ZNF99: variants seen among roughly 807,000 people sequenced by gnomAD.
The protein encoded by ZNF99 is zinc finger protein ENSP00000375192.
Under a neutral mutation model 12.8 loss-of-function variants are expected in ZNF99, and 8 were observed. The ratio of observed to expected loss-of-function variants is 0.62; its 90% CI spans 0.37 to 1.13. The LOEUF (loss-of-function observed/expected upper bound fraction) is 1.13, where lower values mean the gene tolerates loss of function less well. Among genes scored for constraint, ZNF99 ranks in the 50% most tolerant of loss-of-function variants. The pLI is 0.02. For synonymous variants in ZNF99, 318 were observed against 319.0 expected (o/e 1.00, Z 0.03); for missense variants, 1,007 against 1,006.2 (o/e 1.00, Z -0.01).
At position 22,769,230 on chromosome 19, in the gene ZNF99, A is replaced by G; in HGVS notation, c.98T>C (p.Met33Thr). Residue 33 changes from methionine (M) to threonine (T), a missense_variant, in exon 2 of 4, where the codon ATG (methionine) becomes ACG (threonine). By Grantham distance (81) the Met-to-Thr change is moderately conservative. Coordinates refer to ENST00000596209, the MANE Select transcript of ZNF99 (RefSeq NM_001080409.3). ...GACCAGGTTTCTGTAGTTCTCTAACATAACATTCCTATATAAATTCTGCTG... is the reference window on the plus strand; with the variant it reads ...GACCAGGTTTCTGTAGTTCTCTAACGTAACATTCCTATATAAATTCTGCTG... ...MAQQNLYRNV[M>T]LENYRNLVFL... 1 of 1,609,214 alleles carries G rather than the reference A, an allele frequency of 6.2e-7. No homozygotes were observed. The highest frequency in any genetic ancestry group is 8.5e-7 in the Non-Finnish European group (1 of 1,177,284).
intron 3 of ZNF99, among the ~76,000 whole-genome samples, chr19:22,764,930 A>C: frequency 6.6e-6 from 1 of 152,200 alleles, no homozygotes. Context: ...CAGTGTGGAG[A>C]TTCCTAAAGA....
At chr19:22,776,408 G>GAT (rs55638958) in intron 1 of ZNF99, among the ~76,000 whole-genome samples, 7 of 69,624 alleles carry the variant, frequency 1.0e-4, no homozygotes, top group East Asian at 5.0e-4. Context: ...TCCAAAATAA[G>GAT]ATATATATAT....
chr19:22,776,606 G>A (rs1317855462), intron 1 of ZNF99, among the ~76,000 whole-genome samples: 1 of 151,648 alleles, frequency 6.6e-6, no homozygotes, highest in Non-Finnish European at 1.5e-5. Context: ...AGAGAAAAGC[G>A]TATGCGCTGC....
In ZNF99 at chr19:22,759,620, C is replaced by G; in HGVS notation, c.289G>C (p.Glu97Gln). Residue 97 changes from glutamate to glutamine, a missense_variant, in exon 4 of 4, where the codon GAA becomes CAA. By Grantham distance (29) the Glu-to-Gln change is conservative (BLOSUM62 2). Transcript: ENST00000596209. Reference protein sequence around the residue: ...PDQSIKDSFQEIILRTYARCG... With the variant: ...PDQSIKDSFQQIILRTYARCG... ...CTTGCATATGTTCTCAATATTATTT[C>G]TTGGAAAGAATCTTTTATGCTCTGA... 3 of 1,596,306 alleles carry G rather than the reference C, an allele frequency of 1.9e-6. No homozygotes were observed. Among genetic ancestry groups the G allele is most frequent in the Non-Finnish European group, 2.6e-6 (3 of 1,175,150 alleles).
At position 22,757,033 on chromosome 19, in the gene ZNF99, A is replaced by T; in HGVS notation, c.*281T>A. 2 of 1,613,066 alleles carry T rather than the reference A, an allele frequency of 1.2e-6. No individual in the cohort carries two copies. Among genetic ancestry groups the T allele is most frequent in the Non-Finnish European group, 1.7e-6 (2 of 1,179,320 alleles). On this transcript the variant is annotated 3_prime_UTR_variant, in exon 4 of 4. Coordinates refer to ENST00000596209, the MANE Select transcript of ZNF99 (RefSeq NM_001080409.3). ...TGCTAAAAGCTTTGCCACATTCTTCACATTTGTACGATTTCTCCCTAGTAT... is the reference window on the plus strand; with the variant it reads ...TGCTAAAAGCTTTGCCACATTCTTCTCATTTGTACGATTTCTCCCTAGTAT...
intron 3 of ZNF99, among the ~76,000 whole-genome samples, chr19:22,766,203 CAAAAT>C (rs905191323): frequency 8.4e-6 from 1 of 119,598 alleles, no homozygotes; most frequent in Non-Finnish European, 1.8e-5. Flanking sequence ...CTACGCAAAA[CAAAAT>C]AAAAAAAATA....
chr19:22,775,703 T>C (rs1448826049), intron 1 of ZNF99, among the ~76,000 whole-genome samples: 1 of 152,182 alleles, frequency 6.6e-6, no homozygotes, highest in Non-Finnish European at 1.5e-5. Context: ...AACTGAAGTT[T>C]ACAAGAAACA....
rs1324932540 is a variant in ZNF99 at position 22,769,421 on chromosome 19, G to A, written c.4-97C>T. 4.4e-5 allele frequency: 59 copies of A among 1,343,496 alleles called. 1 individual carries two copies. The highest frequency in any genetic ancestry group is 6.0e-5 in the Non-Finnish European group (59 of 984,608). The allele number at this position is 1,343,496 out of a possible 1,614,324, so 83.2% of individuals were successfully genotyped here. A position where few individuals can be genotyped will look rare whatever the true frequency, so the allele number is the denominator to read the frequency against. On this transcript the variant is annotated intron_variant, in intron 1 of 3. Transcript: ENST00000596209. ...GTGAAATGAGAGAGTAAAGAGAACA[G>A]GTTCTAACTTACAGGGATGACTGAA... is the stretch of plus-strand genomic sequence containing the variant.
At position 22,769,774 on chromosome 19, in the gene ZNF99, T is replaced by G. The variant is rs570331064; in HGVS notation, c.4-450A>C. ...AGACTCTGTCTCAAAAAAAAAAAAA[T>G]AAAGAAAAGAAAAAAAGAAATATTC... On this transcript the variant is annotated intron_variant, in intron 1 of 3. Transcript: ENST00000596209. 751 of 967,772 alleles carry G rather than the reference T, an allele frequency of 7.8e-4. 2 individuals are homozygous for G. The highest frequency in any genetic ancestry group is 5.6e-3 in the African/African-American group (303 of 53,966). 59.9% of individuals were successfully genotyped at this position (967,772 alleles called of 1,614,324 possible).
chr19:22,777,163 G>C (rs1196553951), intron 1 of ZNF99, among the ~76,000 whole-genome samples: 1 of 151,576 alleles, frequency 6.6e-6, no homozygotes, highest in East Asian at 1.9e-4. Context: ...ATAAAATAAA[G>C]TATTTAGCAA....
chr19:22,760,468 G>A (rs1356505682), intron 3 of ZNF99, among the ~76,000 whole-genome samples: 1 of 152,134 alleles, frequency 6.6e-6, no homozygotes. Flanking sequence ...CTTGAGGCCG[G>A]GCACGGTGGC....
chr19:22,756,456 G>C lies in ZNF99; in HGVS notation c.*858C>G, dbSNP rs1405907165. 1.3e-6 allele frequency: 2 copies of C among 1,587,826 alleles called. No homozygotes were observed. Among genetic ancestry groups the C allele is most frequent in the African/African-American group, 1.5e-5 (1 of 65,824 alleles). ...CTTTACCACACTCTTCACATTTGTA[G>C]GGTTTCTTTCCAGTATGAATTATCC... On this transcript the variant is annotated 3_prime_UTR_variant, in exon 4 of 4. Coordinates refer to ENST00000596209, the MANE Select transcript of ZNF99 (RefSeq NM_001080409.3).
At position 22,759,467 on chromosome 19, in the gene ZNF99, T is replaced by C. The variant is rs939492125; in HGVS notation, c.442A>G (p.Asn148Asp). 2 of 1,604,478 alleles carry C rather than the reference T, an allele frequency of 1.2e-6. No homozygotes were observed. The highest frequency in any genetic ancestry group is 2.7e-5 in the African/African-American group (2 of 74,454). ...TTTQGKIFQC[N>D]KYVKVFHKYS... Reference sequence around the variant, plus strand: ...TTATGAAAGACTTTCACATATTTGTTACACTGAAATATTTTTCCCTGGGTA... The same window carrying C: ...TTATGAAAGACTTTCACATATTTGTCACACTGAAATATTTTTCCCTGGGTA... The change falls in exon 4 of 4, where the codon AAC (asparagine) becomes GAC (aspartate). Residue 148 changes from asparagine to aspartate, a missense_variant. Asn to Asp is a conservative substitution (Grantham distance 23, BLOSUM62 1). Transcript: ENST00000596209.
chr19:22,772,297 T>A (rs62120125), intron 1 of ZNF99, among the ~76,000 whole-genome samples: 29,385 of 152,146 alleles, frequency 0.19, 3,795 homozygotes, highest in African/African-American at 0.37. Context: ...CATTAGTTTT[T>A]AGGTACAAGT....
intron 3 of ZNF99, among the ~76,000 whole-genome samples, chr19:22,766,926 C>G (rs1252639363): frequency 1.3e-5 from 2 of 152,062 alleles, no homozygotes; most frequent in Admixed American, 6.5e-5. Context: ...GCTGGAATTA[C>G]AGGCGTGAGA....
chr19:22,765,412 A>G (rs1338390172), intron 3 of ZNF99, among the ~76,000 whole-genome samples: 4 of 152,186 alleles, frequency 2.6e-5, no homozygotes, highest in Middle Eastern at 3.4e-3. Flanking sequence ...AGTGCACAAA[A>G]ATCCCACAAA....
chr19:22,771,835 A>G (rs890515898), intron 1 of ZNF99, among the ~76,000 whole-genome samples: 1 of 142,542 alleles, frequency 7.0e-6, no homozygotes, highest in Non-Finnish European at 1.5e-5. Flanking sequence ...CTCCTGCCTC[A>G]GCCTCCTGAG....
At chr19:22,775,905 T>G (rs757706317) in intron 1 of ZNF99, among the ~76,000 whole-genome samples, 1 of 151,474 alleles carries the variant, frequency 6.6e-6, no homozygotes, top group Non-Finnish European at 1.5e-5. Flanking sequence ...ACCTGTAATC[T>G]CAGCTTCTCG....
rs1048164052 is a variant in ZNF99 at position 22,756,207 on chromosome 19, A to T, written c.*1107T>A. On this transcript the variant is annotated 3_prime_UTR_variant, in exon 4 of 4. Transcript: ENST00000596209. ...GCTTTGACACATTCTTCACATTTTT[A>T]GGGCTTCTCCCCAGTATGAATTATC... 3.2e-6 allele frequency: 5 copies of T among 1,560,996 alleles called. No individual in the cohort carries two copies. In the Admixed American group the frequency reaches 8.8e-5, roughly 27 times the overall value.
Sources: gnomAD v4.1 joint callset for allele counts (sites outside exome capture counted in the v4.1 genomes callset) on GRCh38, gnomAD v4.1.1 for gene constraint, MANE v1.5 for transcripts, NCBI Gene and HGNC (gene_info 2026-07-23, HGNC 2026-07-21) for gene names.